The following TDRD9 variants were observed in gnomAD, a reference collection of about 807,000 sequenced individuals.
TDRD9 encodes tudor domain containing 9.
TDRD9 carries 124 observed loss-of-function variants against 172.6 expected under a neutral mutation model. The ratio of observed to expected loss-of-function variants is 0.72; its 90% CI spans 0.62 to 0.83. The LOEUF (loss-of-function observed/expected upper bound fraction) is 0.83, where lower values mean the gene tolerates loss of function less well. Among genes scored for constraint, TDRD9 ranks in the 40% least tolerant of loss-of-function variants. The probability of loss-of-function intolerance (pLI) is 0.00; values close to 1 mark genes in which losing one functional copy is unlikely to be tolerated. For missense variants in TDRD9, 1,479 were observed against 1,714.1 expected (o/e 0.86, Z 2.42); for synonymous variants, 619 against 617.1 (o/e 1.00, Z -0.05).
intron 3 of TDRD9, 119 bp downstream of exon 3, chr14:103,963,295 G>A (rs896049330): frequency 1.4e-5 from 9 of 655,718 alleles, no homozygotes; most frequent in Non-Finnish European, 2.2e-5. Flanking sequence ...TGGTGTACAA[G>A]GTTCTGTGGT....
intron 1 of TDRD9, chr14:103,941,453 T>A: frequency 6.5e-7 from 1 of 1,535,328 alleles, no homozygotes; most frequent in Non-Finnish European, 8.7e-7. Context: ...GAACTTCAAG[T>A]TGTCTTTGTT....
rs567170156 is a variant in TDRD9 at position 103,945,169 on chromosome 14, G to A, written c.216-10495G>A. On this transcript the variant is annotated intron_variant, in intron 1 of 35. Coordinates refer to ENST00000409874, the MANE Select transcript of TDRD9 (RefSeq NM_153046.3). ...GGTCAGAGAAGACCTTTTTGGGTAG[G>A]AGGTATCCTTTTAACAGAGATTTAG... Among the ~76,000 whole-genome samples, 11 of 152,290 alleles carry A rather than the reference G, an allele frequency of 7.2e-5. No individual in the cohort carries two copies. The East Asian group carries it at 2.1e-3, about 29-fold the overall frequency.
Position 104,006,780 on chromosome 14 carries a change from A to G in TDRD9, c.1944-2A>G. 6.2e-7 allele frequency: 1 copy of G among 1,613,640 alleles called. No homozygotes were observed. The highest frequency in any genetic ancestry group is 8.5e-7 in the Non-Finnish European group (1 of 1,179,676). The stretch of plus-strand genomic sequence containing the variant: ...TTGAATGACACTGTTATCTGTTTAT[A>G]GGAACAAAGTGAATTTCTCTGGCAG... On this transcript the variant is annotated splice_acceptor_variant, in intron 17 of 35. Coordinates refer to ENST00000409874, the MANE Select transcript of TDRD9 (RefSeq NM_153046.3). LOFTEE classifies it high-confidence loss of function.
intron 28 of TDRD9, 45 bp from the exon 29 acceptor site, chr14:104,031,063 T>C: frequency 6.6e-7 from 1 of 1,517,866 alleles, no homozygotes; most frequent in Non-Finnish European, 8.9e-7. Flanking sequence ...AGAAAGTCCT[T>C]GTAATATTTT....
chr14:104,025,752 T>G lies in TDRD9; in HGVS notation c.2907T>G (p.Leu969=). ...DKQRYFRAQV[L]YVSGNSAEVF... ...AACGCTACTTTAGAGCTCAAGTCCTTTATGTTTCTGGAAATTCTGCTGAGG... is the reference window on the plus strand; with the variant it reads ...AACGCTACTTTAGAGCTCAAGTCCTGTATGTTTCTGGAAATTCTGCTGAGG... Residue 969 remains leucine (L), a synonymous_variant, in exon 26 of 36, where the codon CTT becomes CTG. Transcript: ENST00000409874. 6.2e-7 allele frequency: 1 copy of G among 1,613,946 alleles called. No homozygotes were observed. Among genetic ancestry groups the G allele is most frequent in the Non-Finnish European group, 8.5e-7 (1 of 1,179,858 alleles).
chr14:104,047,987 A>G (rs1295094429), intron 34 of TDRD9, among the ~76,000 whole-genome samples: 3 of 152,186 alleles, frequency 2.0e-5, no homozygotes, highest in Admixed American at 6.5e-5. Context: ...ACAGCTGGCC[A>G]CACACTCAGC....
intron 20 of TDRD9, among the ~76,000 whole-genome samples, chr14:104,009,644 CTT>C (rs1002749492): frequency 6.6e-5 from 10 of 152,156 alleles, no homozygotes; most frequent in African/African-American, 1.7e-4. Context: ...ACTTGATAAA[CTT>C]TTTAATTAAA....
chr14:104,052,253 G>A lies in TDRD9; in HGVS notation c.*171G>A. 2.1e-6 allele frequency: 1 copy of A among 465,816 alleles called. No homozygotes were observed. The highest frequency in any genetic ancestry group is 3.8e-5 in the Admixed American group (1 of 26,210). 28.9% of individuals were successfully genotyped at this position (465,816 alleles called of 1,614,324 possible). On this transcript the variant is annotated 3_prime_UTR_variant, in exon 36 of 36. Coordinates refer to ENST00000409874, the MANE Select transcript of TDRD9 (RefSeq NM_153046.3). Reference sequence around the variant, plus strand: ...CTCTTTGGGTGATAGTCAGAGAGTGGTGTTTTTGTTCAGGTGGGAAGGATT... The same window carrying A: ...CTCTTTGGGTGATAGTCAGAGAGTGATGTTTTTGTTCAGGTGGGAAGGATT...
Position 103,996,502 on chromosome 14 carries a change from C to G in TDRD9, c.1378+695C>G, listed in dbSNP as rs181916653. On this transcript the variant is annotated intron_variant, in intron 12 of 35. Coordinates refer to ENST00000409874, the MANE Select transcript of TDRD9 (RefSeq NM_153046.3). ...AAATGATCTTTCAGATAGGATCTTT[C>G]AGATAGGAATTACCTCTTTGAGGAA... Among the ~76,000 whole-genome samples, 4 of 152,240 alleles carry G rather than the reference C, an allele frequency of 2.6e-5. No homozygotes were observed. The East Asian group carries it at 7.7e-4, about 29-fold the overall frequency.
At chr14:104,034,497 T>C (rs900092747) in intron 31 of TDRD9, among the ~76,000 whole-genome samples, 1 of 152,244 alleles carries the variant, frequency 6.6e-6, no homozygotes, top group African/African-American at 2.4e-5. Flanking sequence ...GCTTACGTGC[T>C]GTTCTTTTAG....
rs1273054329 is a variant in TDRD9, at chr14:104,040,326, G to A, written c.3847G>A (p.Val1283Ile). The A allele has an allele frequency of 6.5e-7, 1 of 1,550,062 alleles. No individual in the cohort carries two copies. Among genetic ancestry groups the A allele is most frequent in the Admixed American group, 2.0e-5 (1 of 50,738 alleles). Residue 1283 changes from valine to isoleucine, a missense_variant, in exon 33 of 36, where the codon GTC (valine) becomes ATC (isoleucine). Physicochemically the swap from Val to Ile is conservative, Grantham distance 29 (BLOSUM62 3). Around this residue, in one of 3 missense-constraint regions of TDRD9, gnomAD observed 1,413 missense variants for 1,649.1 expected, o/e 0.86. Transcript: ENST00000409874. ...TGACGTTCAATTCAGCGTGGAGGAT[G>A]TCGTCGAGGTAAGGGTAGTGCAGCA... The part of the protein sequence containing the change: ...AFDVQFSVED[V>I]VEVNILRAAI...
At chr14:103,943,695 A>G (rs2031400147) in intron 1 of TDRD9, among the ~76,000 whole-genome samples, 1 of 152,128 alleles carries the variant, frequency 6.6e-6, no homozygotes, top group Non-Finnish European at 1.5e-5. Context: ...AAGAGTAGAT[A>G]GTATAAAAGG....
chr14:104,024,692 G>T lies in TDRD9; in HGVS notation c.2718+12G>T. The T allele has an allele frequency of 6.8e-7, 1 of 1,473,234 alleles. No individual in the cohort carries two copies. The highest frequency in any genetic ancestry group is 9.4e-7 in the Non-Finnish European group (1 of 1,061,228). 91.3% of individuals were successfully genotyped at this position (1,473,234 alleles called of 1,614,324 possible). A position where few individuals can be genotyped will look rare whatever the true frequency, so the allele number is the denominator to read the frequency against. ...TTGATGTCACAGAGGTAAGGATGAA[G>T]TAATTGAGCTTTTCCTTCTTCTTAA... On this transcript the variant is annotated intron_variant, in intron 25 of 35. Coordinates refer to ENST00000409874, the MANE Select transcript of TDRD9 (RefSeq NM_153046.3).
intron 5 of TDRD9, among the ~76,000 whole-genome samples, chr14:103,969,190 T>C (rs1462439680): frequency 1.4e-5 from 2 of 147,262 alleles, no homozygotes; most frequent in African/African-American, 5.0e-5. Context: ...TTTTGAGTAC[T>C]GCTATGGAAA....
chr14:103,969,829 T>TG (rs1162718825), intron 5 of TDRD9, among the ~76,000 whole-genome samples: 2 of 8,840 alleles, frequency 2.3e-4, no homozygotes, highest in East Asian at 4.5e-3. Flanking sequence ...TGGGGCGGGG[T>TG]GGGGGGGCTG....
chr14:103,972,100 A>G (rs2146240), intron 6 of TDRD9, among the ~76,000 whole-genome samples: 143,707 of 152,196 alleles, frequency 0.94, 68,394 homozygotes, highest in East Asian at 1. Flanking sequence ...GCTGCAGTGA[A>G]CTGTGATTGC....
chr14:104,030,803 G>A (rs1288575691), intron 28 of TDRD9, among the ~76,000 whole-genome samples: 1 of 152,152 alleles, frequency 6.6e-6, no homozygotes, highest in Non-Finnish European at 1.5e-5. Context: ...ACAGGAAGGG[G>A]AACATCACAC....
intron 7 of TDRD9, among the ~76,000 whole-genome samples, chr14:103,983,892 T>C (rs991290692): frequency 6.6e-6 from 1 of 152,178 alleles, no homozygotes; most frequent in African/African-American, 2.4e-5. Context: ...GATAGTGATA[T>C]GGAGAATGAA....
At chr14:103,929,108 C>G (rs377687740) in intron 1 of TDRD9, among the ~76,000 whole-genome samples, 1 of 151,974 alleles carries the variant, frequency 6.6e-6, no homozygotes, top group Non-Finnish European at 1.5e-5. Context: ...TGCATCGCTG[C>G]GTCTTCGTCA....
Sources: allele counts gnomAD v4.1 joint callset (sites outside exome capture counted in the v4.1 genomes callset), GRCh38; gene constraint gnomAD v4.1.1; regional missense constraint gnomAD v4.1.1; transcripts MANE v1.5; gene names NCBI Gene and HGNC (gene_info 2026-07-23, HGNC 2026-07-21).